Variants in LRP1B observed in about 807,000 individuals in gnomAD.
LRP1B encodes the protein LDL receptor related protein 1B, also known as low-density lipoprotein receptor-related protein 1B.
LRP1B carries 217 observed loss-of-function variants against 556.6 expected under a neutral mutation model. The observed-to-expected ratio is 0.39, with a 90% confidence interval of 0.35 to 0.44. The LOEUF (loss-of-function observed/expected upper bound fraction) is 0.44, where lower values mean the gene tolerates loss of function less well. Ranked by LOEUF, LRP1B falls within the 20% of genes least tolerant of loss-of-function variation. The pLI is 1.00. For synonymous variants in LRP1B, 2,047 were observed against 1,865.8 expected (o/e 1.10, Z -2.50); for missense variants, 5,053 against 5,620.8 (o/e 0.90, Z 3.23).
intron 66 of LRP1B, among the ~76,000 whole-genome samples, chr2:140,402,978 T>A (rs181264783): frequency 1.2e-3 from 189 of 152,254 alleles, no homozygotes; most frequent in African/African-American, 3.9e-3. Context: ...ACATTGCTAC[T>A]ACAACCAGCA....
intron 21 of LRP1B, among the ~76,000 whole-genome samples, chr2:140,918,545 T>A (rs552281871): frequency 8.5e-5 from 13 of 152,256 alleles, no homozygotes; most frequent in South Asian, 2.1e-4. Context: ...AAGTGTCTGC[T>A]TCCTGTACTC....
At chr2:141,508,872 T>C (rs1479646116) in intron 2 of LRP1B, among the ~76,000 whole-genome samples, 1 of 152,098 alleles carries the variant, frequency 6.6e-6, no homozygotes, top group African/African-American at 2.4e-5. Context: ...ATGGAGGTTA[T>C]GGAAAGATAA....
At chr2:140,328,953 C>CAATT (rs1190387947) in intron 79 of LRP1B, among the ~76,000 whole-genome samples, 1 of 152,004 alleles carries the variant, frequency 6.6e-6, no homozygotes, top group Admixed American at 6.6e-5. Flanking sequence ...TTGAATCAAA[C>CAATT]AATTAATTAT....
chr2:140,522,868 CA>C (rs1404219427), intron 49 of LRP1B, among the ~76,000 whole-genome samples: 1 of 151,722 alleles, frequency 6.6e-6, no homozygotes, highest in African/African-American at 2.4e-5. Context: ...ATGAATAGAT[CA>C]ATGAGTTCTA....
rs1694152434 is a variant in LRP1B at position 140,903,164 on chromosome 2, A to G, written c.3522T>C (p.Asp1174=). The G allele has an allele frequency of 5.6e-6, 9 of 1,611,710 alleles. No individual in the cohort carries two copies. The highest frequency in any genetic ancestry group is 7.6e-6 in the Non-Finnish European group (9 of 1,178,624). The change falls in exon 23 of 91, where the codon GAT becomes GAC. Residue 1174 remains aspartate, a splice_region_variant and synonymous_variant. Transcript: ENST00000389484. The stretch of plus-strand genomic sequence containing the variant: ...AGCCTCCATTGTTCAGCGAACACTC[A>G]TCTATAAAAAGGGGGGAACAGATTA... ...PDGSDEGYLC[D]ECSLNNGGCS...
At chr2:141,592,790 A>G (rs1434396125) in intron 2 of LRP1B, among the ~76,000 whole-genome samples, 1 of 152,178 alleles carries the variant, frequency 6.6e-6, no homozygotes, top group East Asian at 1.9e-4. Flanking sequence ...TACTCACATA[A>G]TTAGCAACTG....
At chr2:141,232,059 T>G (rs147084270) in intron 5 of LRP1B, among the ~76,000 whole-genome samples, 12 of 152,308 alleles carry the variant, frequency 7.9e-5, no homozygotes, top group Non-Finnish European at 1.6e-4. Flanking sequence ...AACATAACCT[T>G]GTCAATTGAC....
At chr2:140,592,739 A>G (rs1682277623) in intron 43 of LRP1B, among the ~76,000 whole-genome samples, 1 of 152,184 alleles carries the variant, frequency 6.6e-6, no homozygotes, top group African/African-American at 2.4e-5. Context: ...AAAACAACTG[A>G]TTTTAAAAGT....
At chr2:141,890,540 T>G (rs1218224519) in intron 1 of LRP1B, among the ~76,000 whole-genome samples, 2 of 151,712 alleles carry the variant, frequency 1.3e-5, no homozygotes, top group African/African-American at 2.4e-5. Context: ...CATAATGCTT[T>G]TTACTCAGCT....
intron 1 of LRP1B, among the ~76,000 whole-genome samples, chr2:142,003,084 C>T (rs1428718914): frequency 1.3e-5 from 2 of 152,136 alleles, no homozygotes; most frequent in African/African-American, 4.8e-5. Context: ...TTTATGCCAA[C>T]AAAACTACAA....
At chr2:140,950,525 C>A in intron 19 of LRP1B, 123 bp from the exon 20 acceptor site, 1 of 736,448 alleles carries the variant, frequency 1.4e-6, no homozygotes. Flanking sequence ...GCTCTGTCAC[C>A]CAACCTGTAG....
At chr2:141,111,971 G>A (rs927838867) in intron 7 of LRP1B, among the ~76,000 whole-genome samples, 6 of 151,742 alleles carry the variant, frequency 4.0e-5, no homozygotes, top group Non-Finnish European at 7.4e-5. Context: ...GCGTGAACTC[G>A]GGAGGCAGAG....
At chr2:140,381,159 G>A (rs1408151462) in intron 67 of LRP1B, among the ~76,000 whole-genome samples, 2 of 151,936 alleles carry the variant, frequency 1.3e-5, no homozygotes, top group Non-Finnish European at 2.9e-5. Flanking sequence ...TCAGGAAAAT[G>A]TAATTTAGTT....
At position 141,905,763 on chromosome 2, in the gene LRP1B, AGATGTGTG is replaced by A. The variant is rs1329515793; in HGVS notation, c.83-95370_83-95363del. Among the ~76,000 whole-genome samples, 42 of 115,198 alleles carry A rather than the reference AGATGTGTG, an allele frequency of 3.6e-4. 1 individual carries two copies. The East Asian group carries it at 5.7e-3, about 16-fold the overall frequency. The allele number at this position is 115,198 out of a possible 152,430, so 75.6% of individuals were successfully genotyped here. On this transcript the variant is annotated intron_variant, in intron 1 of 90. Transcript: ENST00000389484. ...GGGAGAAAATGGATCTGGTTTGAATAGATGTGTGTGTGTGTGTGTGTGTGTGTGTGTGT... is the reference window on the plus strand; with the variant it reads ...GGGAGAAAATGGATCTGGTTTGAATATGTGTGTGTGTGTGTGTGTGTGTGT...
chr2:140,526,503 A>G (rs895421993), intron 47 of LRP1B, among the ~76,000 whole-genome samples, 153 bp from the exon 48 acceptor site: 2 of 151,688 alleles, frequency 1.3e-5, no homozygotes, highest in Non-Finnish European at 2.9e-5. Context: ...CCCACCTTCA[A>G]GCGTGGGTTA....
chr2:141,620,008 C>T (rs1164333732), intron 2 of LRP1B, among the ~76,000 whole-genome samples: 1 of 152,132 alleles, frequency 6.6e-6, no homozygotes, highest in Admixed American at 6.6e-5. Context: ...GGCTGGAGAG[C>T]GTGGTGCAAT....
chr2:141,076,159 A>T (rs1034831771), intron 7 of LRP1B, among the ~76,000 whole-genome samples: 1 of 152,188 alleles, frequency 6.6e-6, no homozygotes, highest in African/African-American at 2.4e-5. Flanking sequence ...GGAATGCAGT[A>T]TCAACCTCAA....
At chr2:140,753,860 T>C (rs1247717238) in intron 35 of LRP1B, among the ~76,000 whole-genome samples, 1 of 152,144 alleles carries the variant, frequency 6.6e-6, no homozygotes, top group Non-Finnish European at 1.5e-5. Context: ...CCTAAACTTC[T>C]GTTGAATACA....
chr2:141,318,329 G>C (rs552069198), intron 3 of LRP1B, among the ~76,000 whole-genome samples: 78 of 152,110 alleles, frequency 5.1e-4, no homozygotes, highest in Non-Finnish European at 1.1e-3. Context: ...GTACAATATA[G>C]GGGTTAGAGA....
Sources: gnomAD v4.1 joint callset for allele counts (sites outside exome capture counted in the v4.1 genomes callset) on GRCh38, gnomAD v4.1.1 for gene constraint, MANE v1.5 for transcripts, NCBI Gene and HGNC (gene_info 2026-07-23, HGNC 2026-07-21) for gene names.